ACBD7: variants seen among roughly 807,000 people sequenced by gnomAD.
ACBD7 encodes acyl-CoA binding domain containing 7.
In ACBD7, 11 loss-of-function variants were observed where a neutral mutation model predicts 13.7. The observed-to-expected ratio is 0.80, with a 90% confidence interval of 0.50 to 1.33. ACBD7 has a LOEUF of 1.33. Ranked by LOEUF, ACBD7 falls within the 40% of genes most tolerant of loss-of-function variation. The pLI is 0.00. For missense variants in ACBD7, 111 were observed against 103.0 expected (o/e 1.08, Z -0.33); for synonymous variants, 43 against 37.7 (o/e 1.14, Z -0.51).
At position 15,076,120 on chromosome 10, in the gene ACBD7, TA is replaced by T; in HGVS notation, c.*2409del. On this transcript the variant is annotated 3_prime_UTR_variant, in exon 4 of 4. Transcript: ENST00000356189. ...GACCTAGATAGTTTTGTTGTTGTAG[TA>T]ACATGAAGTGGATCTATTCCTCTGG... 1.0e-6 allele frequency: 1 copy of T among 985,376 alleles called. No homozygotes were observed. Among genetic ancestry groups the T allele is most frequent in the Non-Finnish European group, 1.2e-6 (1 of 829,874 alleles). 61.0% of individuals were successfully genotyped at this position (985,376 alleles called of 1,614,324 possible).
At chr10:15,081,495 T>C (rs186584134) in intron 1 of ACBD7, among the ~76,000 whole-genome samples, 26 of 152,294 alleles carry the variant, frequency 1.7e-4, no homozygotes, top group Non-Finnish European at 3.8e-4. Flanking sequence ...TTAGAAGAAG[T>C]TCATCACTTA....
chr10:15,088,743 C>A lies in ACBD7; in HGVS notation c.-15G>T, dbSNP rs1439900081. The A allele has an allele frequency of 1.3e-6, 2 of 1,598,550 alleles. No homozygotes were observed. Among genetic ancestry groups the A allele is most frequent in the Non-Finnish European group, 8.5e-7 (1 of 1,175,368 alleles). On this transcript the variant is annotated 5_prime_UTR_variant, in exon 1 of 4. Coordinates refer to ENST00000356189, the MANE Select transcript of ACBD7 (RefSeq NM_001039844.3). ...TGCAGGGCCATGGTGGCGGCTGCCG[C>A]GTTGTTGCTGCTGCTGTTGTCGTCC...
intron 1 of ACBD7, among the ~76,000 whole-genome samples, chr10:15,085,395 AG>A (rs1321944094): frequency 2.0e-5 from 3 of 152,224 alleles, no homozygotes; most frequent in African/African-American, 7.2e-5. Flanking sequence ...ACAGCCTCCG[AG>A]GGTGGCTCTC....
rs1043307789 is a variant in ACBD7 at position 15,075,522 on chromosome 10, T to C, written c.*3008A>G. Among the ~76,000 whole-genome samples the C allele has an allele frequency of 2.0e-5, 3 of 152,186 alleles. No individual in the cohort carries two copies. The highest frequency in any genetic ancestry group is 4.8e-5 in the African/African-American group (2 of 41,442). ...TAATGGTAACTGTTATGCAAAACTA[T>C]AGTATAATATCACAATCAGCATATT... On this transcript the variant is annotated 3_prime_UTR_variant, in exon 4 of 4. Coordinates refer to ENST00000356189, the MANE Select transcript of ACBD7 (RefSeq NM_001039844.3).
chr10:15,076,042 T>G lies in ACBD7; in HGVS notation c.*2488A>C. On this transcript the variant is annotated 3_prime_UTR_variant, in exon 4 of 4. Coordinates refer to ENST00000356189, the MANE Select transcript of ACBD7 (RefSeq NM_001039844.3). ...TATAAATGGAATTATACATGTCACA[T>G]TTGGGGACTGGCTTTTTCTGCTCAG... The G allele has an allele frequency of 1.2e-6, 1 of 853,640 alleles. No individual in the cohort carries two copies. The highest frequency in any genetic ancestry group is 1.4e-6 in the Non-Finnish European group (1 of 710,480). The allele number at this position is 853,640 out of a possible 1,614,324, so 52.9% of individuals were successfully genotyped here.
At position 15,083,477 on chromosome 10, in the gene ACBD7, T is replaced by C. The variant is rs188659231; in HGVS notation, c.13-4437A>G. ...CCTCTTTTTGTGCTAGGGTTAAGGATGATTAAGAATATAATTTTCTTTTTG... is the reference window on the plus strand; with the variant it reads ...CCTCTTTTTGTGCTAGGGTTAAGGACGATTAAGAATATAATTTTCTTTTTG... On this transcript the variant is annotated intron_variant, in intron 1 of 3. Transcript: ENST00000356189. Among the ~76,000 whole-genome samples, 536 of 152,272 alleles carry C rather than the reference T, an allele frequency of 3.5e-3. 2 individuals carry two copies. Among genetic ancestry groups the C allele is most frequent in the South Asian group, 0.022 (107 of 4,818 alleles).
chr10:15,078,992 G>T lies in ACBD7; in HGVS notation c.61C>A (p.Pro21Thr). 1 of 1,608,748 alleles carries T rather than the reference G, an allele frequency of 6.2e-7. No homozygotes were observed. The highest frequency in any genetic ancestry group is 8.5e-7 in the Non-Finnish European group (1 of 1,177,450). Residue 21 changes from proline to threonine, a missense_variant, in exon 2 of 4, where the codon CCA (proline) becomes ACA (threonine). Coordinates refer to ENST00000356189, the MANE Select transcript of ACBD7 (RefSeq NM_001039844.3). ...AGTTCTTTCAGTTCTCCATCATCTG[G>T]TCTTGCTTTCAGCTTCCTCACATCT... Reference protein sequence around the residue: ...AEDVRKLKARPDDGELKELYG... With the variant: ...AEDVRKLKARTDDGELKELYG...
rs142221522 is a variant in ACBD7, at chr10:15,078,698, G to A, written c.186C>T (p.Leu62=). 224 of 1,613,752 alleles carry A rather than the reference G, an allele frequency of 1.4e-4. 2 individuals are homozygous for A. In the African/African-American group the frequency reaches 2.6e-3, roughly 19 times the overall value. ...TGTGAAAGACTAAAAAACCTTTTTT[G>A]AGGTTCCATGCTTCCCATTTGGCTT... The part of the protein sequence containing the change: ...KGKAKWEAWN[L]KKGLSTEDAT... Residue 62 remains leucine (L), a synonymous_variant, in exon 3 of 4, where the codon CTC becomes CTT. Transcript: ENST00000356189.
intron 1 of ACBD7, 96 bp downstream of exon 1, chr10:15,088,621 G>T: frequency 6.7e-7 from 1 of 1,495,664 alleles, no homozygotes; most frequent in Non-Finnish European, 8.9e-7. Context: ...GGTCACCGCC[G>T]ACCGCTCCCA....
At position 15,078,708 on chromosome 10, in the gene ACBD7, G is replaced by T; in HGVS notation, c.176C>A (p.Ala59Glu). 6.2e-7 allele frequency: 1 copy of T among 1,613,992 alleles called. No homozygotes were observed. ...TAAAAAACCTTTTTTGAGGTTCCAT[G>T]CTTCCCATTTGGCTTTGCCTTTTAA... is the stretch of plus-strand genomic sequence containing the variant. ...LDLKGKAKWE[A>E]WNLKKGLSTE... Residue 59 changes from alanine (A) to glutamate (E), a missense_variant, in exon 3 of 4, where the codon GCA (alanine) becomes GAA (glutamate). Coordinates refer to ENST00000356189, the MANE Select transcript of ACBD7 (RefSeq NM_001039844.3).
At chr10:15,088,458 C>T in intron 1 of ACBD7, 1 of 535,758 alleles carries the variant, frequency 1.9e-6, no homozygotes, top group Non-Finnish European at 3.2e-6. Context: ...CCGCTCCGTG[C>T]TCCCCGGCGC....
At chr10:15,081,302 T>C (rs1486179715) in intron 1 of ACBD7, among the ~76,000 whole-genome samples, 1 of 152,018 alleles carries the variant, frequency 6.6e-6, no homozygotes, top group African/African-American at 2.4e-5. Flanking sequence ...ATGAAGGAAT[T>C]CTTAACAGGA....
At chr10:15,084,715 A>T (rs1844789697) in intron 1 of ACBD7, among the ~76,000 whole-genome samples, 1 of 152,206 alleles carries the variant, frequency 6.6e-6, no homozygotes, top group Non-Finnish European at 1.5e-5. Flanking sequence ...TATGCAAATA[A>T]AGACTTGGCT....
In ACBD7 at chr10:15,076,817, T is replaced by C; in HGVS notation, c.*1713A>G. On this transcript the variant is annotated 3_prime_UTR_variant, in exon 4 of 4. Transcript: ENST00000356189. ...CACGCTCAGCCTTGCCATTGATTCTTAATAACCTGTTTTTATTTCACCAGT... is the reference window on the plus strand; with the variant it reads ...CACGCTCAGCCTTGCCATTGATTCTCAATAACCTGTTTTTATTTCACCAGT... 1.0e-6 allele frequency: 1 copy of C among 985,404 alleles called. No individual in the cohort carries two copies. Among genetic ancestry groups the C allele is most frequent in the Non-Finnish European group, 1.2e-6 (1 of 829,940 alleles). The allele number at this position is 985,404 out of a possible 1,614,324, so 61.0% of individuals were successfully genotyped here.
Position 15,076,948 on chromosome 10 carries a change from C to G in ACBD7, c.*1582G>C. On this transcript the variant is annotated 3_prime_UTR_variant, in exon 4 of 4. Coordinates refer to ENST00000356189, the MANE Select transcript of ACBD7 (RefSeq NM_001039844.3). ...GACTTTCTAAAAAGTCAAAAAACAA[C>G]AGATGTGGAGAAAAGGGAATGCTTA... is the stretch of plus-strand genomic sequence containing the variant. 1 of 984,070 alleles carries G rather than the reference C, an allele frequency of 1.0e-6. No homozygotes were observed. The highest frequency in any genetic ancestry group is 1.2e-6 in the Non-Finnish European group (1 of 828,806). The allele number at this position is 984,070 out of a possible 1,614,324, so 61.0% of individuals were successfully genotyped here.
chr10:15,084,525 A>G (rs1385529445), intron 1 of ACBD7, among the ~76,000 whole-genome samples: 4 of 152,216 alleles, frequency 2.6e-5, no homozygotes, highest in Non-Finnish European at 5.9e-5. Flanking sequence ...AGATTTACTG[A>G]AAGCGAAAGT....
chr10:15,080,252 T>C (rs974309781), intron 1 of ACBD7, among the ~76,000 whole-genome samples: 1 of 152,110 alleles, frequency 6.6e-6, no homozygotes, highest in South Asian at 2.1e-4. Flanking sequence ...TATGCTTGAG[T>C]GGTATGTTTT....
Position 15,078,712 on chromosome 10 carries a change from C to T in ACBD7, c.172G>A (p.Glu58Lys). Residue 58 changes from glutamate to lysine, a missense_variant, in exon 3 of 4, where the codon GAA (glutamate) becomes AAA (lysine). Glu to Lys is a moderately conservative substitution (Grantham distance 56). Transcript: ENST00000356189. ...AAACCTTTTTTGAGGTTCCATGCTT[C>T]CCATTTGGCTTTGCCTTTTAAATCT... ...MLDLKGKAKW[E>K]AWNLKKGLST... 1 of 1,613,962 alleles carries T rather than the reference C, an allele frequency of 6.2e-7. No homozygotes were observed. The highest frequency in any genetic ancestry group is 1.6e-4 in the Middle Eastern group (1 of 6,062).
intron 1 of ACBD7, 105 bp downstream of exon 1, chr10:15,088,612 G>C: frequency 6.9e-7 from 1 of 1,450,334 alleles, no homozygotes; most frequent in Non-Finnish European, 9.2e-7. Context: ...TGTCCCCCGG[G>C]TCACCGCCGA....
Sources: gnomAD v4.1 joint callset for allele counts (sites outside exome capture counted in the v4.1 genomes callset) on GRCh38, gnomAD v4.1.1 for gene constraint, MANE v1.5 for transcripts, NCBI Gene and HGNC (gene_info 2026-07-23, HGNC 2026-07-21) for gene names.